The following ZBTB4 variants were observed in gnomAD, a reference collection of about 807,000 sequenced individuals.
ZBTB4 encodes zinc finger and BTB domain-containing protein 4.
In ZBTB4, 14 loss-of-function variants were observed where a neutral mutation model predicts 59.8. The ratio of observed to expected loss-of-function variants is 0.23; its 90% confidence interval spans 0.15 to 0.37. ZBTB4 has a LOEUF of 0.37. ZBTB4 is among the 10% of genes least tolerant of loss of function. The pLI, the probability that ZBTB4 is intolerant of heterozygous loss-of-function variation, is 1.00. For synonymous variants in ZBTB4, 587 were observed against 575.2 expected (o/e 1.02, Z -0.29); for missense variants, 1,198 against 1,380.8 (o/e 0.87, Z 2.10).
chr17:7,480,613 G>A (rs1027302897), upstream of ZBTB4, among the ~76,000 whole-genome samples: 5 of 152,068 alleles, frequency 3.3e-5, 1 homozygote, highest in South Asian at 6.2e-4. Flanking sequence ...CCAGCTACTC[G>A]GGAGGCTGAG....
At chr17:7,470,891 T>C (rs1173996185) in intron 1 of ZBTB4, among the ~76,000 whole-genome samples, 1 of 152,138 alleles carries the variant, frequency 6.6e-6, no homozygotes, top group African/African-American at 2.4e-5. Context: ...ATATCCTACC[T>C]GGGTGCCTTT....
At chr17:7,481,357 A>G (rs2070342711), upstream of ZBTB4, 1 of 1,165,418 alleles carries the variant, frequency 8.6e-7, no homozygotes, top group Admixed American at 4.2e-5. Flanking sequence ...GAAAGAAAGA[A>G]AAGAAGCAGA....
chr17:7,461,604 GAC>G lies in ZBTB4; in HGVS notation c.*334_*335del. ...GTTTACGAATCAGGGGAGCAGGTTA[GAC>G]ATTCAGAGCTGGTGGGGGCTGTGAG... On this transcript the variant is annotated 3_prime_UTR_variant, in exon 4 of 4. Coordinates refer to ENST00000380599, the MANE Select transcript of ZBTB4 (RefSeq NM_001128833.2). 4.4e-6 allele frequency: 1 copy of G among 228,362 alleles called. No homozygotes were observed. Among genetic ancestry groups the G allele is most frequent in the Admixed American group, 5.2e-5 (1 of 19,132 alleles). The allele number at this position is 228,362 out of a possible 1,614,324, so 14.1% of individuals were successfully genotyped here.
rs918493239 is a variant in ZBTB4, at chr17:7,465,695, A to G, written c.1091+16T>C. On this transcript the variant is annotated intron_variant, in intron 3 of 3. Transcript: ENST00000380599. ...GCCAGCCTCCAGCCGCTCCCCCGCC[A>G]GCCTGGATCACTCACCTGCGCTCCC... 1 of 1,578,152 alleles carries G rather than the reference A, an allele frequency of 6.3e-7. No individual in the cohort carries two copies. Among genetic ancestry groups the G allele is most frequent in the African/African-American group, 1.3e-5 (1 of 74,430 alleles).
At chr17:7,467,699 G>A (rs2070147268) in intron 1 of ZBTB4, among the ~76,000 whole-genome samples, 1 of 152,194 alleles carries the variant, frequency 6.6e-6, no homozygotes, top group South Asian at 2.1e-4. Context: ...CCAATCTCCA[G>A]GGCTCAGAGG....
intron 1 of ZBTB4, among the ~76,000 whole-genome samples, chr17:7,476,175 C>T (rs112787332): frequency 1.3e-5 from 2 of 152,220 alleles, no homozygotes; most frequent in African/African-American, 2.4e-5. Flanking sequence ...CCCTCCTCCC[C>T]CTGAGGGTCA....
At position 7,465,691 on chromosome 17, in the gene ZBTB4, C is replaced by A. The variant is rs200433979; in HGVS notation, c.1091+20G>T. 1 of 1,573,438 alleles carries A rather than the reference C, an allele frequency of 6.4e-7. No individual in the cohort carries two copies. Among genetic ancestry groups the A allele is most frequent in the Non-Finnish European group, 8.7e-7 (1 of 1,154,476 alleles). ...GAGTGCCAGCCTCCAGCCGCTCCCCCGCCAGCCTGGATCACTCACCTGCGC... is the reference window on the plus strand; with the variant it reads ...GAGTGCCAGCCTCCAGCCGCTCCCCAGCCAGCCTGGATCACTCACCTGCGC... On this transcript the variant is annotated intron_variant, in intron 3 of 3. Coordinates refer to ENST00000380599, the MANE Select transcript of ZBTB4 (RefSeq NM_001128833.2).
chr17:7,483,444 C>G (rs572181840), upstream of ZBTB4: 16 of 258,386 alleles, frequency 6.2e-5, no homozygotes, highest in Middle Eastern at 1.4e-3. Flanking sequence ...TTGTGCCCCC[C>G]CCTTGGGGTG....
intron 1 of ZBTB4, among the ~76,000 whole-genome samples, chr17:7,475,429 A>C (rs1310334465): frequency 6.6e-6 from 1 of 151,970 alleles, no homozygotes; most frequent in Non-Finnish European, 1.5e-5. Context: ...CCTCACACAC[A>C]TTACCTCATT....
At position 7,467,288 on chromosome 17, in the gene ZBTB4, G is replaced by T. The variant is rs1215834329; in HGVS notation, c.-41C>A. On this transcript the variant is annotated 5_prime_UTR_variant, in exon 2 of 4. Transcript: ENST00000380599. ...GCACAGCCAACATGGAGTGGGGCGG[G>T]GGGTGGCTCAGCGAGTCCCTTCTGC... The T allele has an allele frequency of 1.0e-6, 1 of 986,044 alleles. No homozygotes were observed. Among genetic ancestry groups the T allele is most frequent in the South Asian group, 4.7e-5 (1 of 21,272 alleles). 61.1% of individuals were successfully genotyped at this position (986,044 alleles called of 1,614,324 possible). A position where few individuals can be genotyped will look rare whatever the true frequency, so the allele number is the denominator to read the frequency against.
rs201334543 is a variant in ZBTB4, at chr17:7,466,484, GGAA to G, written c.315_317del (p.Ser111del). On this transcript the variant is annotated inframe_deletion, in exon 3 of 4. Transcript: ENST00000380599. This position sits in a 1 kb window ranked among gnomAD's most constrained non-coding sequence, Gnocchi z 9.1. Reference sequence around the variant, plus strand: ...CTGGAGGGGGAGAGGAAGAGGAAGAGGAAGAAGAAGAAGAAGCAGAGGAGGAAG... The same window carrying G: ...CTGGAGGGGGAGAGGAAGAGGAAGAGGAAGAAGAAGAAGCAGAGGAGGAAG... The G allele has an allele frequency of 1.9e-3, 2,998 of 1,607,074 alleles. 18 individuals are homozygous for G. The African/African-American group carries it at 0.02, about 10-fold the overall frequency.
At chr17:7,482,787 C>T (rs375850638), upstream of ZBTB4, 10 of 1,611,952 alleles carry the variant, frequency 6.2e-6, no homozygotes, top group African/African-American at 1.2e-4. Context: ...GTCTCCTTCA[C>T]ATGTGTGAGC....
At chr17:7,482,967 T>G, upstream of ZBTB4, 1 of 1,611,726 alleles carries the variant, frequency 6.2e-7, no homozygotes, top group Non-Finnish European at 8.5e-7. Context: ...GCCTGGAACC[T>G]CAGCTGTGAG....
At chr17:7,482,723 C>A, upstream of ZBTB4, 1 of 1,612,048 alleles carries the variant, frequency 6.2e-7, no homozygotes, top group Non-Finnish European at 8.5e-7. Context: ...CCCCGTGTTG[C>A]CCAGTGATCT....
intron 1 of ZBTB4, among the ~76,000 whole-genome samples, chr17:7,477,958 C>T (rs768351188): frequency 2.2e-4 from 33 of 152,136 alleles, no homozygotes; most frequent in Non-Finnish European, 1.5e-4. Context: ...TCTGACAACA[C>T]CCATGCCTCC....
In ZBTB4 at chr17:7,465,749, G is replaced by A. The variant is rs1460447860; in HGVS notation, c.1053C>T (p.Tyr351=). Residue 351 remains tyrosine (Y), a synonymous_variant, in exon 3 of 4, where the codon TAC becomes TAT. Coordinates refer to ENST00000380599, the MANE Select transcript of ZBTB4 (RefSeq NM_001128833.2). ...YCEKVFALAE[Y]RTKHEVWHTG... is the part of the protein sequence containing the mutation. Reference sequence around the variant, plus strand: ...TGTGCCACACTTCATGCTTCGTGCGGTACTCCGCCAGAGCAAACACTTTCT... The same window carrying A: ...TGTGCCACACTTCATGCTTCGTGCGATACTCCGCCAGAGCAAACACTTTCT... 1.2e-6 allele frequency: 2 copies of A among 1,613,530 alleles called. No homozygotes were observed. Among genetic ancestry groups the A allele is most frequent in the Non-Finnish European group, 1.7e-6 (2 of 1,179,566 alleles).
At position 7,461,914 on chromosome 17, in the gene ZBTB4, G is replaced by C; in HGVS notation, c.*26C>G. The C allele has an allele frequency of 6.6e-7, 1 of 1,521,126 alleles. No homozygotes were observed. The highest frequency in any genetic ancestry group is 8.8e-7 in the Non-Finnish European group (1 of 1,133,396). 94.2% of individuals were successfully genotyped at this position (1,521,126 alleles called of 1,614,324 possible). On this transcript the variant is annotated 3_prime_UTR_variant, in exon 4 of 4. Transcript: ENST00000380599. The stretch of plus-strand genomic sequence containing the variant: ...GGGGGTTCAGGGAGGGTGGCATCTG[G>C]TGAAAGGGGGATTGAGCCCCAGGGT...
chr17:7,465,961 C>A lies in ZBTB4; in HGVS notation c.841G>T (p.Val281Leu). ...GGAGPGGPAG[V>L]DASALPPPVG... ...GGTGGAGGCAGGGCTGAGGCGTCCA[C>A]CCCTGCAGGACCACCAGGGCCAGCG... Residue 281 changes from valine to leucine, a missense_variant, in exon 3 of 4, where the codon GTG (valine) becomes TTG (leucine). This residue lies in a region of ZBTB4 where 204 missense variants were observed against 205.5 expected (regional missense o/e 0.99). Transcript: ENST00000380599. 6.2e-7 allele frequency: 1 copy of A among 1,602,368 alleles called. No individual in the cohort carries two copies. The highest frequency in any genetic ancestry group is 8.5e-7 in the Non-Finnish European group (1 of 1,172,304).
rs1334809809 is a variant in ZBTB4 at position 7,463,376 on chromosome 17, G to A, written c.1606C>T (p.Pro536Ser). 6.2e-7 allele frequency: 1 copy of A among 1,601,706 alleles called. No individual in the cohort carries two copies. Among genetic ancestry groups the A allele is most frequent in the Non-Finnish European group, 8.5e-7 (1 of 1,174,342 alleles). The change falls in exon 4 of 4, where the codon CCA becomes TCA. Residue 536 changes from proline (P) to serine (S), a missense_variant. Around this residue, in one of 9 missense-constraint regions of ZBTB4, gnomAD observed 550 missense variants for 541.8 expected, o/e 1.02. Coordinates refer to ENST00000380599, the MANE Select transcript of ZBTB4 (RefSeq NM_001128833.2). ...PPEPAATPTS[P>S]ATAVSPATAA... The stretch of plus-strand genomic sequence containing the variant: ...GTGGCTGGGCTGACTGCTGTGGCTG[G>A]GCTGGTGGGTGTGGCTGCAGGCTCA...
Sources: gnomAD v4.1 joint callset for allele counts (sites outside exome capture counted in the v4.1 genomes callset) on GRCh38, gnomAD v4.1.1 for gene constraint, gnomAD v4.1.1 regional missense constraint, Gnocchi (gnomAD v3.1) non-coding constraint, MANE v1.5 for transcripts, NCBI Gene and HGNC (gene_info 2026-07-23, HGNC 2026-07-21) for gene names.